PALM2AKAP2: variants seen among roughly 807,000 people sequenced by gnomAD.
The protein encoded by PALM2AKAP2 is PALM2 and AKAP2 fusion, also known as PALM2-AKAP2 fusion protein.
PALM2AKAP2 carries 37 observed loss-of-function variants against 71.5 expected under a neutral mutation model. The ratio of observed to expected loss-of-function variants is 0.52; its 90% CI spans 0.40 to 0.68. PALM2AKAP2 has a LOEUF of 0.68. Among genes scored for constraint, PALM2AKAP2 ranks in the 30% least tolerant of loss-of-function variants. PALM2AKAP2 has a pLI of 0.00. For missense variants in PALM2AKAP2, 1,224 were observed against 1,191.8 expected (o/e 1.03, Z -0.40); for synonymous variants, 468 against 478.8 (o/e 0.98, Z 0.29).
At chr9:109,796,195 A>G (rs1827247397) in intron 1 of PALM2AKAP2, among the ~76,000 whole-genome samples, 1 of 152,096 alleles carries the variant, frequency 6.6e-6, no homozygotes, top group Non-Finnish European at 1.5e-5. Flanking sequence ...TAAAATATTT[A>G]GGATTAAAAA....
chr9:109,818,936 T>A (rs1344062703), intron 1 of PALM2AKAP2, among the ~76,000 whole-genome samples: 1 of 152,224 alleles, frequency 6.6e-6, no homozygotes, highest in Non-Finnish European at 1.5e-5. Context: ...GAAATGACCA[T>A]GTAGGTTACA....
chr9:110,131,405 T>C (rs1464748389), intron 1 of PALM2AKAP2, among the ~76,000 whole-genome samples: 1 of 152,262 alleles, frequency 6.6e-6, no homozygotes, highest in African/African-American at 2.4e-5. Flanking sequence ...AAAAAGGACT[T>C]TCCTGGTGAT....
intron 1 of PALM2AKAP2, among the ~76,000 whole-genome samples, chr9:110,134,852 G>GGT (rs1225065645): frequency 6.6e-6 from 1 of 151,952 alleles, no homozygotes; most frequent in Non-Finnish European, 1.5e-5. Flanking sequence ...AGCCAACCTA[G>GGT]GTGTTGTAAG....
chr9:109,916,184 T>C (rs1162736117), intron 3 of PALM2AKAP2, among the ~76,000 whole-genome samples: 1 of 152,166 alleles, frequency 6.6e-6, no homozygotes, highest in Non-Finnish European at 1.5e-5. Flanking sequence ...CCTCAAGTGA[T>C]CCACCCACCT....
exon 6 of PALM2AKAP2, chr9:109,931,927 A>T: frequency 6.2e-7 from 1 of 1,613,872 alleles, no homozygotes; most frequent in Non-Finnish European, 8.5e-7. Context: ...CTGCTACCAG[A>T]TGCAGTAAAT....
At chr9:109,925,191 A>G (rs1830928793) in intron 5 of PALM2AKAP2, 109 bp downstream of exon 5, 1 of 1,549,940 alleles carries the variant, frequency 6.5e-7, no homozygotes, top group South Asian at 1.1e-5. Context: ...TTGTAAAGGC[A>G]TCAGAAGAAG....
At chr9:109,811,773 A>G (rs147511575) in intron 1 of PALM2AKAP2, among the ~76,000 whole-genome samples, 1,546 of 152,178 alleles carry the variant, frequency 0.01, 21 homozygotes, top group African/African-American at 0.035. Context: ...GTGGCTTGCT[A>G]TGTTGCTGAA....
At chr9:109,825,456 C>A (rs1037862895) in intron 1 of PALM2AKAP2, among the ~76,000 whole-genome samples, 2 of 152,104 alleles carry the variant, frequency 1.3e-5, no homozygotes, top group Admixed American at 6.6e-5. Context: ...ATTTTTGCAG[C>A]CTACTCATCT....
At chr9:110,152,343 T>G (rs1836338760) in intron 2 of PALM2AKAP2, among the ~76,000 whole-genome samples, 1 of 152,152 alleles carries the variant, frequency 6.6e-6, no homozygotes, top group South Asian at 2.1e-4. Flanking sequence ...CACAAGCTAT[T>G]GAATCATTAC....
intron 6 of PALM2AKAP2, chr9:109,942,901 C>T: frequency 6.2e-7 from 1 of 1,614,128 alleles, no homozygotes; most frequent in Non-Finnish European, 8.5e-7. Flanking sequence ...AGAGCTTATT[C>T]AGAAGGCTGG....
chr9:110,053,053 T>C (rs1833743431), intron 1 of PALM2AKAP2, among the ~76,000 whole-genome samples: 1 of 152,192 alleles, frequency 6.6e-6, no homozygotes, highest in South Asian at 2.1e-4. Flanking sequence ...GGGTTCCTTT[T>C]TCCTGTTGAG....
chr9:109,875,513 G>A (rs911954977), intron 2 of PALM2AKAP2, among the ~76,000 whole-genome samples: 1 of 152,194 alleles, frequency 6.6e-6, no homozygotes, highest in African/African-American at 2.4e-5. Flanking sequence ...GACACAGAAG[G>A]AGAGGATGGG....
intron 6 of PALM2AKAP2, among the ~76,000 whole-genome samples, chr9:109,979,002 T>C (rs1270447435): frequency 6.6e-6 from 1 of 151,838 alleles, no homozygotes; most frequent in Non-Finnish European, 1.5e-5. Flanking sequence ...TTTTTTTTTT[T>C]CTTTTGAGGC....
At chr9:109,823,068 A>G (rs1259076507) in intron 1 of PALM2AKAP2, among the ~76,000 whole-genome samples, 3 of 152,210 alleles carry the variant, frequency 2.0e-5, no homozygotes, top group Admixed American at 1.3e-4. Context: ...CAGCCCAGCC[A>G]CATCAGAGAG....
chr9:109,803,031 A>G (rs1827476096), intron 1 of PALM2AKAP2, among the ~76,000 whole-genome samples: 1 of 152,216 alleles, frequency 6.6e-6, no homozygotes, highest in South Asian at 2.1e-4. Flanking sequence ...ATAGGAAGAA[A>G]CTAGAATCAG....
intron 1 of PALM2AKAP2, among the ~76,000 whole-genome samples, chr9:110,122,844 C>T (rs953335810): frequency 1.7e-4 from 26 of 152,292 alleles, no homozygotes; most frequent in South Asian, 6.2e-4. Context: ...TCAGAGTCTA[C>T]ACTTAAAGGG....
At chr9:109,894,663 A>G (rs1339340705) in intron 3 of PALM2AKAP2, among the ~76,000 whole-genome samples, 1 of 152,220 alleles carries the variant, frequency 6.6e-6, no homozygotes, top group Non-Finnish European at 1.5e-5. Flanking sequence ...GCTGAGTGCT[A>G]GTATTGGTCT....
At chr9:110,135,299 C>CAAA (rs71373970) in intron 1 of PALM2AKAP2, among the ~76,000 whole-genome samples, 2 of 7,256 alleles carry the variant, frequency 2.8e-4, no homozygotes, top group African/African-American at 7.5e-4. Context: ...AATCCCATCT[C>CAAA]AAAAAAAAAA....
intron 1 of PALM2AKAP2, among the ~76,000 whole-genome samples, chr9:109,838,203 A>G (rs952158139): frequency 6.6e-5 from 10 of 152,280 alleles, no homozygotes; most frequent in African/African-American, 2.4e-4. Flanking sequence ...CAATCAAACT[A>G]GAACTCAAGA....
Sources: gnomAD v4.1 joint callset for allele counts (sites outside exome capture counted in the v4.1 genomes callset) on GRCh38, gnomAD v4.1.1 for gene constraint, MANE v1.5 for transcripts, NCBI Gene and HGNC (gene_info 2026-07-23, HGNC 2026-07-21) for gene names.